Variants in WDR81 observed in about 807,000 individuals in gnomAD.
The protein encoded by WDR81 is WD repeat domain 81, also known as WD repeat-containing protein 81.
WDR81 carries 92 observed loss-of-function variants against 140.8 expected under a neutral mutation model. The ratio of observed to expected loss-of-function variants is 0.65; its 90% CI spans 0.55 to 0.78. The LOEUF (loss-of-function observed/expected upper bound fraction) is 0.78, where lower values mean the gene tolerates loss of function less well. Ranked by LOEUF, WDR81 falls within the 30% of genes least tolerant of loss-of-function variation. The pLI is 0.00. For synonymous variants in WDR81, 1,183 were observed against 1,156.4 expected, an observed-to-expected ratio of 1.02 and a Z score of -0.47; for missense variants, 2,502 against 2,636.4, an observed-to-expected ratio of 0.95 and a Z score of 1.12.
At position 1,727,278 on chromosome 17, in the gene WDR81, G is replaced by A. The variant is rs144383054; in HGVS notation, c.2319G>A (p.Ala773=). The A allele has an allele frequency of 1.6e-5, 25 of 1,550,228 alleles. No individual in the cohort carries two copies. The highest frequency in any genetic ancestry group is 1.7e-4 in the Middle Eastern group (1 of 5,990). ...GCCTACTCCACAGGGACATGCAGGCGCTGGGTGTCCTATTGGCAGAGATGG... is the reference window on the plus strand; with the variant it reads ...GCCTACTCCACAGGGACATGCAGGCACTGGGTGTCCTATTGGCAGAGATGG... ...LQCLLHRDMQ[A]LGVLLAEMVF... The change falls in exon 1 of 10, where the codon GCG becomes GCA. Residue 773 remains alanine, a synonymous_variant. Coordinates refer to ENST00000409644, the MANE Select transcript of WDR81 (RefSeq NM_001163809.2).
chr17:1,730,482 A>G lies in WDR81; in HGVS notation c.3770A>G (p.Tyr1257Cys). 6.2e-7 allele frequency: 1 copy of G among 1,612,806 alleles called. No homozygotes were observed. Among genetic ancestry groups the G allele is most frequent in the Non-Finnish European group, 8.5e-7 (1 of 1,179,732 alleles). ...CTGCTCCGCCTGCTGACGTCTTGTTATGTTGGTAAGGAGGCCTGCGGTCAG... is the reference window on the plus strand; with the variant it reads ...CTGCTCCGCCTGCTGACGTCTTGTTGTGTTGGTAAGGAGGCCTGCGGTCAG... Reference protein sequence around the residue: ...RNLLRLLTSCYVGPTRQQFTV... With the variant: ...RNLLRLLTSCCVGPTRQQFTV... The change falls in exon 2 of 10, where the codon TAT (tyrosine) becomes TGT (cysteine). Residue 1257 changes from tyrosine (Y) to cysteine (C), a missense_variant. Around this residue, in one of 3 missense-constraint regions of WDR81, gnomAD observed 1,737 missense variants for 1,843.0 expected, o/e 0.94. Transcript: ENST00000409644.
Position 1,733,831 on chromosome 17 carries a change from C to T in WDR81, c.4794C>T (p.Asp1598=), listed in dbSNP as rs756069720. The T allele has an allele frequency of 8.2e-5, 132 of 1,612,502 alleles. 2 individuals carry two copies. In the South Asian group the frequency reaches 1.3e-3, roughly 16 times the overall value. ...GCGGGGGCCTGGGCAGCGGGAGCGA[C>T]GACAACGCCCTGAAGCAGGAGCTGC... ...VGGGGLGSGS[D]DNALKQELPR... Residue 1598 remains aspartate, a synonymous_variant, in exon 7 of 10, where the codon GAC becomes GAT. Coordinates refer to ENST00000409644, the MANE Select transcript of WDR81 (RefSeq NM_001163809.2).
intron 1 of WDR81, among the ~76,000 whole-genome samples, chr17:1,718,976 G>T (rs1299824437): frequency 6.6e-6 from 1 of 152,042 alleles, no homozygotes; most frequent in African/African-American, 2.4e-5. Context: ...GGACATCCAC[G>T]TGGTCCCTGG....
chr17:1,734,902 AG>A (rs993209004), intron 7 of WDR81, among the ~76,000 whole-genome samples: 28 of 152,126 alleles, frequency 1.8e-4, no homozygotes, highest in African/African-American at 6.8e-4. Context: ...AAAGGGGGAA[AG>A]GGATGGTGTC....
At chr17:1,716,546 C>G (rs926021723) in exon 1 of WDR81, 4 of 1,550,744 alleles carry the variant, frequency 2.6e-6, no homozygotes, top group Middle Eastern at 3.3e-4. Context: ...AAAGAGCAGG[C>G]GAAAGCCACG....
chr17:1,725,122 G>A lies in WDR81; in HGVS notation c.163G>A (p.Val55Met), dbSNP rs984519186. ...TCCGGCCCCGGGGGGCACCCACGTG[G>A]TGGCCCTAGTGCCTGCGCGCTGGCT... ...LAPAPGGTHV[V>M]ALVPARWLAS... The change falls in exon 1 of 10, where the codon GTG becomes ATG. Residue 55 changes from valine to methionine, a missense_variant. Transcript: ENST00000409644. 6.6e-7 allele frequency: 1 copy of A among 1,521,904 alleles called. No individual in the cohort carries two copies. The highest frequency in any genetic ancestry group is 8.8e-7 in the Non-Finnish European group (1 of 1,136,564). The allele number at this position is 1,521,904 out of a possible 1,614,324, so 94.3% of individuals were successfully genotyped here.
Position 1,732,775 on chromosome 17 carries a change from AG to A in WDR81, c.4435del (p.Val1479CysfsTer124). 1 of 1,613,180 alleles carries A rather than the reference AG, an allele frequency of 6.2e-7. No individual in the cohort carries two copies. The highest frequency in any genetic ancestry group is 1.3e-5 in the African/African-American group (1 of 75,062). ...CCCGCCCTGCTGGACGAGCTGCAGA[AG>A]GTGTTCACCCTGGAGATGGCATACA... ...VDPALLDELQKVFTLEMAYTI... is the reference protein window; with the variant it reads ...VDPALLDELQXVFTLEMAYTI... On this transcript the variant is annotated frameshift_variant, in exon 6 of 10. Coordinates refer to ENST00000409644, the MANE Select transcript of WDR81 (RefSeq NM_001163809.2). LOFTEE classifies it high-confidence loss of function.
In WDR81 at chr17:1,738,010, A is replaced by T. The variant is rs1010300419; in HGVS notation, c.*325A>T. The T allele has an allele frequency of 4.7e-6, 2 of 421,366 alleles. No individual in the cohort carries two copies. The highest frequency in any genetic ancestry group is 4.6e-5 in the East Asian group (1 of 21,642). 26.1% of individuals were successfully genotyped at this position (421,366 alleles called of 1,614,324 possible). A position where few individuals can be genotyped will look rare whatever the true frequency, so the allele number is the denominator to read the frequency against. On this transcript the variant is annotated 3_prime_UTR_variant, in exon 10 of 10. Coordinates refer to ENST00000409644, the MANE Select transcript of WDR81 (RefSeq NM_001163809.2). ...CCTCTGGGTCCACATGAGGACAGGG[A>T]AGCTCGGGAAGGGGAAGGGAGACTG...
chr17:1,725,521 T>C lies in WDR81; in HGVS notation c.562T>C (p.Ser188Pro), dbSNP rs1282073705. The C allele has an allele frequency of 1.9e-6, 3 of 1,545,774 alleles. No individual in the cohort carries two copies. The highest frequency in any genetic ancestry group is 2.6e-6 in the Non-Finnish European group (3 of 1,146,958). The change falls in exon 1 of 10, where the codon TCC becomes CCC. Residue 188 changes from serine (S) to proline (P), a missense_variant. By Grantham distance (74) the Ser-to-Pro change is moderately conservative. Transcript: ENST00000409644. ...GGCTCTGCAGAGGGTCTATGGTTGC[T>C]CCTTCCTGCCAGTGGGTGAAACTAC... Reference protein sequence around the residue: ...RQALQRVYGCSFLPVGETTQC... With the variant: ...RQALQRVYGCPFLPVGETTQC...
chr17:1,726,923 G>T lies in WDR81; in HGVS notation c.1964G>T (p.Gly655Val). 6.4e-7 allele frequency: 1 copy of T among 1,550,484 alleles called. No homozygotes were observed. Among genetic ancestry groups the T allele is most frequent in the Non-Finnish European group, 8.7e-7 (1 of 1,146,986 alleles). The change falls in exon 1 of 10, where the codon GGA becomes GTA. Residue 655 changes from glycine to valine, a missense_variant. Gly to Val is a moderately radical substitution (Grantham distance 109). Transcript: ENST00000409644. ...TGGACCAGAGACAGGCCGGTGGCAG[G>T]AGAAGACGACTTGGAACAGGCCACA... ...ASWTRDRPVAGEDDLEQATEA... is the reference protein window; with the variant it reads ...ASWTRDRPVAVEDDLEQATEA...
Position 1,737,926 on chromosome 17 carries a change from C to T in WDR81, c.*241C>T. 2 of 592,350 alleles carry T rather than the reference C, an allele frequency of 3.4e-6. No individual in the cohort carries two copies. Among genetic ancestry groups the T allele is most frequent in the Admixed American group, 3.2e-5 (1 of 31,626 alleles). 36.7% of individuals were successfully genotyped at this position (592,350 alleles called of 1,614,324 possible). On this transcript the variant is annotated 3_prime_UTR_variant, in exon 10 of 10. Transcript: ENST00000409644. ...TGGCTTGGGGACACAGGGCTCCTAG[C>T]AAGCAGGAAGTTAAGAGCAGGAGGA...
At chr17:1,719,406 G>C (rs1914746234) in intron 1 of WDR81, among the ~76,000 whole-genome samples, 1 of 151,976 alleles carries the variant, frequency 6.6e-6, no homozygotes, top group Non-Finnish European at 1.5e-5. Context: ...AATTAGCCGG[G>C]CGTGGTGGCG....
At position 1,735,622 on chromosome 17, in the gene WDR81, GCGGTGGCTGTCATGCC is replaced by G. The variant is rs1904797284; in HGVS notation, c.5233_5248del (p.Val1745ProfsTer35). ...GCTGGACAGCCGGGTGCCCCTGACT[GCGGTGGCTGTCATGCC>G]CGCCCCCCACACCAGCATCACCATG... On this transcript the variant is annotated frameshift_variant, in exon 8 of 10. Coordinates refer to ENST00000409644, the MANE Select transcript of WDR81 (RefSeq NM_001163809.2). LOFTEE classifies it high-confidence loss of function. This position sits in a 1 kb window ranked among gnomAD's most constrained non-coding sequence, Gnocchi z 4.2. The G allele has an allele frequency of 6.2e-7, 1 of 1,612,680 alleles. No individual in the cohort carries two copies. The highest frequency in any genetic ancestry group is 8.5e-7 in the Non-Finnish European group (1 of 1,179,934).
chr17:1,725,290 C>T lies in WDR81; in HGVS notation c.331C>T (p.Arg111Trp), dbSNP rs1915158062. Residue 111 changes from arginine (R) to tryptophan (W), a missense_variant, in exon 1 of 10, where the codon CGG becomes TGG. Arg to Trp is a moderately radical substitution (Grantham distance 101). Transcript: ENST00000409644. ...GACGCGCGTGGAGGTGCATGGGCTG[C>T]GGAAGCGGAGACTGTCCTACCCTCT... ...GWTRVEVHGL[R>W]KRRLSYPLGG... 1 of 1,547,156 alleles carries T rather than the reference C, an allele frequency of 6.5e-7. No individual in the cohort carries two copies.
chr17:1,720,490 T>G (rs769645180), upstream of WDR81, among the ~76,000 whole-genome samples: 9 of 152,166 alleles, frequency 5.9e-5, no homozygotes, highest in Non-Finnish European at 1.2e-4. Flanking sequence ...AATTATGCCC[T>G]AAAGGGCCGG....
chr17:1,726,724 C>A lies in WDR81; in HGVS notation c.1765C>A (p.Pro589Thr). Residue 589 changes from proline (P) to threonine (T), a missense_variant, in exon 1 of 10, where the codon CCC (proline) becomes ACC (threonine). Pro to Thr is a conservative substitution (Grantham distance 38). Coordinates refer to ENST00000409644, the MANE Select transcript of WDR81 (RefSeq NM_001163809.2). ...GGTGCAGCTCTTCGATCAGCCACAC[C>A]CCCAGCGCCTGGCTGGGGCTCCTGC... ...GVVQLFDQPHPQRLAGAPALA... is the reference protein window; with the variant it reads ...GVVQLFDQPHTQRLAGAPALA... 3 of 1,548,438 alleles carry A rather than the reference C, an allele frequency of 1.9e-6. No homozygotes were observed. The highest frequency in any genetic ancestry group is 2.6e-6 in the Non-Finnish European group (3 of 1,146,620).
chr17:1,729,104 G>C (rs1915509972), intron 1 of WDR81, among the ~76,000 whole-genome samples: 1 of 152,222 alleles, frequency 6.6e-6, no homozygotes, highest in Non-Finnish European at 1.5e-5. Flanking sequence ...CAGACGAGAT[G>C]CCGCAGTGCA....
chr17:1,731,052 T>G lies in WDR81; in HGVS notation c.3967-16T>G. ...TCTGTGGGGCTGCCCGGCCCTCATC[T>G]GCTCGGTGGCTCTAGGTGGCCCCAG... On this transcript the variant is annotated splice_polypyrimidine_tract_variant and intron_variant, in intron 3 of 9. Coordinates refer to ENST00000409644, the MANE Select transcript of WDR81 (RefSeq NM_001163809.2). 6.2e-7 allele frequency: 1 copy of G among 1,610,490 alleles called. No homozygotes were observed. The highest frequency in any genetic ancestry group is 8.5e-7 in the Non-Finnish European group (1 of 1,178,614).
chr17:1,716,526 C>G (rs1421394394), upstream of WDR81: 1 of 1,542,324 alleles, frequency 6.5e-7, no homozygotes, highest in African/African-American at 1.4e-5. Flanking sequence ...CTACGTCAAA[C>G]GAGAGTCCTA....
Sources: gnomAD v4.1 joint callset for allele counts (sites outside exome capture counted in the v4.1 genomes callset) on GRCh38, gnomAD v4.1.1 for gene constraint, gnomAD v4.1.1 regional missense constraint, Gnocchi (gnomAD v3.1) non-coding constraint, MANE v1.5 for transcripts, NCBI Gene and HGNC (gene_info 2026-07-23, HGNC 2026-07-21) for gene names.